Variants in EGLN2 observed in about 807,000 individuals in gnomAD.
The protein encoded by EGLN2 is prolyl hydroxylase EGLN2.
Under a neutral mutation model 38.2 loss-of-function variants are expected in EGLN2, and 15 were observed. The ratio of observed to expected loss-of-function variants is 0.39; its 90% CI spans 0.26 to 0.60. EGLN2 has a LOEUF of 0.60. EGLN2 is among the 20% of genes least tolerant of loss of function. The pLI is 0.50. For synonymous variants in EGLN2, 284 were observed against 237.4 expected, an observed-to-expected ratio of 1.20 and a Z score of -1.81; for missense variants, 492 against 570.4, an observed-to-expected ratio of 0.86 and a Z score of 1.40.
Position 40,800,365 on chromosome 19 carries a change from C to G in EGLN2, c.-208C>G. The G allele has an allele frequency of 1.5e-6, 1 of 674,368 alleles. No homozygotes were observed. The highest frequency in any genetic ancestry group is 2.4e-6 in the Non-Finnish European group (1 of 416,096). 41.8% of individuals were successfully genotyped at this position (674,368 alleles called of 1,614,324 possible). ...CACCCTGAAGGGTCCCTTCCCAAGC[C>G]CTTAGGGACCGCAGAGGACTTGGGG... On this transcript the variant is annotated 5_prime_UTR_variant, in exon 2 of 6. Coordinates refer to ENST00000303961, the MANE Select transcript of EGLN2 (RefSeq NM_080732.4).
chr19:40,807,948 A>G lies in EGLN2; in HGVS notation c.*84A>G. 7.4e-7 allele frequency: 1 copy of G among 1,345,872 alleles called. No individual in the cohort carries two copies. 83.4% of individuals were successfully genotyped at this position (1,345,872 alleles called of 1,614,324 possible). ...CTGTGCTGGCTGCTCCTTCCCTGCC[A>G]CCGCTGCTGCTTCTGACTTTGCCTC... is the stretch of plus-strand genomic sequence containing the variant. On this transcript the variant is annotated 3_prime_UTR_variant, in exon 6 of 6. Transcript: ENST00000303961.
intron 1 of EGLN2, chr19:40,799,894 C>T (rs1267577179): frequency 2.0e-5 from 2 of 97,912 alleles, no homozygotes; most frequent in Non-Finnish European, 4.7e-5. Flanking sequence ...TTTCCTCTGT[C>T]TTTTGACCCC....
chr19:40,800,352 T>G lies in EGLN2; in HGVS notation c.-221T>G. On this transcript the variant is annotated 5_prime_UTR_variant, in exon 2 of 6. Coordinates refer to ENST00000303961, the MANE Select transcript of EGLN2 (RefSeq NM_080732.4). Reference sequence around the variant, plus strand: ...TCCTTTCTCTAGCCACCCTGAAGGGTCCCTTCCCAAGCCCTTAGGGACCGC... The same window carrying G: ...TCCTTTCTCTAGCCACCCTGAAGGGGCCCTTCCCAAGCCCTTAGGGACCGC... The G allele has an allele frequency of 5.4e-6, 3 of 556,926 alleles. No individual in the cohort carries two copies. Among genetic ancestry groups the G allele is most frequent in the Non-Finnish European group, 9.1e-6 (3 of 330,662 alleles). The allele number at this position is 556,926 out of a possible 1,614,324, so 34.5% of individuals were successfully genotyped here.
chr19:40,800,263 C>G (rs1263442526), intron 1 of EGLN2, 76 bp from the exon 2 acceptor site: 1 of 361,838 alleles, frequency 2.8e-6, no homozygotes, highest in Non-Finnish European at 5.2e-6. Flanking sequence ...CCACTCCTGC[C>G]CATACCATCC....
At chr19:40,801,502 A>G (rs1490738517) in intron 2 of EGLN2, 87 bp downstream of exon 2, 19 of 1,522,652 alleles carry the variant, frequency 1.2e-5, no homozygotes, top group African/African-American at 2.8e-5. Context: ...GGGTTTGGAG[A>G]CAGGCTTCTG....
At chr19:40,807,593 C>T (rs763073865) in intron 5 of EGLN2, 42 bp downstream of exon 5, 11 of 1,602,132 alleles carry the variant, frequency 6.9e-6, no homozygotes, top group Admixed American at 3.3e-5. Context: ...TTCTGTGGGC[C>T]CTCTTGGGCC....
rs777503645 is a variant in EGLN2 at position 40,807,214 on chromosome 19, T to C, written c.1040T>C (p.Leu347Ser). The change falls in exon 4 of 6, where the codon TTG becomes TCG. Residue 347 changes from leucine (L) to serine (S), a missense_variant. This residue lies in a region of EGLN2 where 114 missense variants were observed against 184.2 expected (regional missense o/e 0.62). Coordinates refer to ENST00000303961, the MANE Select transcript of EGLN2 (RefSeq NM_080732.4). Reference sequence around the variant, plus strand: ...AACATCGAGCCACTCTTTGACCGGTTGCTCATTTTCTGGTCTGACCGGCGG... The same window carrying C: ...AACATCGAGCCACTCTTTGACCGGTCGCTCATTTTCTGGTCTGACCGGCGG... ...VANIEPLFDR[L>S]LIFWSDRRNP... 1.2e-6 allele frequency: 2 copies of C among 1,614,150 alleles called. No individual in the cohort carries two copies. Among genetic ancestry groups the C allele is most frequent in the Non-Finnish European group, 1.7e-6 (2 of 1,180,000 alleles).
rs774627250 is a variant in EGLN2 at position 40,800,778 on chromosome 19, C to A, written c.206C>A (p.Thr69Asn). The A allele has an allele frequency of 1.2e-5, 20 of 1,613,328 alleles. No homozygotes were observed. Among genetic ancestry groups the A allele is most frequent in the Middle Eastern group, 1.6e-4 (1 of 6,078 alleles). The change falls in exon 2 of 6, where the codon ACC (threonine) becomes AAC (asparagine). Residue 69 changes from threonine (T) to asparagine (N), a missense_variant. Around this residue, in one of 2 missense-constraint regions of EGLN2, gnomAD observed 378 missense variants for 386.2 expected, o/e 0.98. Coordinates refer to ENST00000303961, the MANE Select transcript of EGLN2 (RefSeq NM_080732.4). ...AGSGTPRATA[T>N]STTASPLRDG... ...AGTGGGACCCCCAGAGCCACAGCCACCTCTACCACTGCCAGCCCTCTTCGG... is the reference window on the plus strand; with the variant it reads ...AGTGGGACCCCCAGAGCCACAGCCAACTCTACCACTGCCAGCCCTCTTCGG...
chr19:40,800,214 G>C (rs1322428649), intron 1 of EGLN2, 125 bp from the exon 2 acceptor site: 1 of 226,856 alleles, frequency 4.4e-6, no homozygotes, highest in East Asian at 9.5e-5. Flanking sequence ...CTCAGGTTTT[G>C]GGGGGCCTCT....
intron 3 of EGLN2, 177 bp from the exon 4 acceptor site, chr19:40,806,961 C>A (rs2083307701): frequency 9.3e-7 from 1 of 1,076,162 alleles, no homozygotes; most frequent in Non-Finnish European, 1.3e-6. Flanking sequence ...TCTTTAGTAG[C>A]TTCCTGCCCA....
chr19:40,804,797 A>C (rs1392826853), intron 2 of EGLN2: 1 of 152,154 alleles, frequency 6.6e-6, no homozygotes. Flanking sequence ...CCCCCTCCTG[A>C]ACCTTGAAGT....
At chr19:40,807,611 A>G in intron 5 of EGLN2, 60 bp downstream of exon 5, 1 of 1,561,856 alleles carries the variant, frequency 6.4e-7, no homozygotes, top group Non-Finnish European at 8.8e-7. Context: ...GCCTGATGCC[A>G]CCCCATCCCC....
In EGLN2 at chr19:40,801,430, G is replaced by A; in HGVS notation, c.843+15G>A. 3.1e-6 allele frequency: 5 copies of A among 1,593,952 alleles called. No homozygotes were observed. The highest frequency in any genetic ancestry group is 1.1e-5 in the South Asian group (1 of 90,446). ...GGCGCACCAAGGTAAGGCTAGGTGG[G>A]GGCCTCTTTGGAGGGGCTTTGCAGC... On this transcript the variant is annotated intron_variant, in intron 2 of 5. Transcript: ENST00000303961.
At chr19:40,806,374 C>G in intron 2 of EGLN2, 181 bp from the exon 3 acceptor site, 2 of 1,249,488 alleles carry the variant, frequency 1.6e-6, no homozygotes, top group Non-Finnish European at 2.2e-6. Context: ...TTCTGATAGA[C>G]TTGGGGATGG....
intron 2 of EGLN2, among the ~76,000 whole-genome samples, chr19:40,803,685 G>A (rs117851058): frequency 0.016 from 2,475 of 152,254 alleles, 29 homozygotes; most frequent in Non-Finnish European, 0.023. Flanking sequence ...CAGGTGCTCC[G>A]TTGACCTGTA....
In EGLN2 at chr19:40,808,330, T is replaced by C; in HGVS notation, c.*466T>C. On this transcript the variant is annotated 3_prime_UTR_variant, in exon 6 of 6. Coordinates refer to ENST00000303961, the MANE Select transcript of EGLN2 (RefSeq NM_080732.4). ...CCCCTTTGGCCATGGCAGGCACCTT[T>C]TGGACTGGGCTGCCACTGCTTGGGC... The C allele has an allele frequency of 4.9e-6, 2 of 408,866 alleles. No homozygotes were observed. The highest frequency in any genetic ancestry group is 1.2e-4 in the South Asian group (1 of 8,560). 25.3% of individuals were successfully genotyped at this position (408,866 alleles called of 1,614,324 possible). A position where few individuals can be genotyped will look rare whatever the true frequency, so the allele number is the denominator to read the frequency against.
intron 3 of EGLN2, 97 bp from the exon 4 acceptor site, chr19:40,807,041 A>C: frequency 1.3e-6 from 2 of 1,560,346 alleles, no homozygotes; most frequent in South Asian, 2.3e-5. Flanking sequence ...GGAGTGATGC[A>C]GGCAGACGCT....
At chr19:40,802,238 C>T (rs1402776660) in intron 2 of EGLN2, among the ~76,000 whole-genome samples, 2 of 152,122 alleles carry the variant, frequency 1.3e-5, no homozygotes, top group African/African-American at 2.4e-5. Context: ...CCCGCTGGGC[C>T]GAGTGCTTGG....
rs775180027 is a variant in EGLN2 at position 40,800,665 on chromosome 19, G to C, written c.93G>C (p.Arg31=). The change falls in exon 2 of 6, where the codon CGG becomes CGC. Residue 31 remains arginine, a synonymous_variant. Transcript: ENST00000303961. ...SSEPLEPEPG[R]ARMGVESYLP... is the part of the protein sequence containing the mutation. The stretch of plus-strand genomic sequence containing the variant: ...AGCCCTTGGAGCCTGAGCCTGGCCG[G>C]GCCAGGATGGGAGTGGAGAGTTACC... 1.4e-5 allele frequency: 22 copies of C among 1,613,906 alleles called. No homozygotes were observed. Among genetic ancestry groups the C allele is most frequent in the Admixed American group, 1.7e-5 (1 of 60,008 alleles).
Sources: gnomAD v4.1 joint callset for allele counts (sites outside exome capture counted in the v4.1 genomes callset) on GRCh38, gnomAD v4.1.1 for gene constraint, gnomAD v4.1.1 regional missense constraint, MANE v1.5 for transcripts, NCBI Gene and HGNC (gene_info 2026-07-23, HGNC 2026-07-21) for gene names.